The following CACHD1 variants were observed in gnomAD, a reference collection of about 807,000 sequenced individuals.
CACHD1 encodes the protein VWFA and cache domain-containing protein 1.
In CACHD1, 71 loss-of-function variants were observed where a neutral mutation model predicts 138.7. The observed-to-expected ratio is 0.51, with a 90% CI of 0.42 to 0.62. The LOEUF (loss-of-function observed/expected upper bound fraction) is 0.62, where lower values mean the gene tolerates loss of function less well. Among genes scored for constraint, CACHD1 ranks in the 20% least tolerant of loss-of-function variants. The pLI is 0.00. For synonymous variants in CACHD1, 578 were observed against 591.5 expected (o/e 0.98, Z 0.33); for missense variants, 1,389 against 1,625.3 (o/e 0.85, Z 2.50).
chr1:64,671,000 T>C (rs1445202939), intron 16 of CACHD1, among the ~76,000 whole-genome samples: 1 of 152,202 alleles, frequency 6.6e-6, no homozygotes, highest in Non-Finnish European at 1.5e-5. Flanking sequence ...CACTGGCCTA[T>C]GGACCAGGAG....
chr1:64,639,291 A>G (rs1249637618), intron 7 of CACHD1, among the ~76,000 whole-genome samples: 2 of 152,124 alleles, frequency 1.3e-5, no homozygotes, highest in Non-Finnish European at 2.9e-5. Flanking sequence ...TTGTTTTTGT[A>G]TTTTTCAGTC....
intron 24 of CACHD1, 34 bp from the exon 25 acceptor site, chr1:64,681,224 A>G (rs1650162252): frequency 6.5e-7 from 1 of 1,549,042 alleles, no homozygotes; most frequent in Non-Finnish European, 8.9e-7. Flanking sequence ...GTTTGATTAA[A>G]TAGTCATGTT....
chr1:64,588,833 G>T (rs1240106213), intron 3 of CACHD1, among the ~76,000 whole-genome samples: 1 of 152,070 alleles, frequency 6.6e-6, no homozygotes, highest in Non-Finnish European at 1.5e-5. Flanking sequence ...CATAAGCTAC[G>T]GAGGAAATAC....
intron 1 of CACHD1, among the ~76,000 whole-genome samples, chr1:64,479,919 C>T (rs921282641): frequency 1.3e-5 from 2 of 152,166 alleles, no homozygotes; most frequent in Non-Finnish European, 2.9e-5. Context: ...CTGGAGAAAG[C>T]TTAGAACCTA....
At chr1:64,521,029 T>C (rs1387680135) in intron 1 of CACHD1, among the ~76,000 whole-genome samples, 1 of 152,222 alleles carries the variant, frequency 6.6e-6, no homozygotes, top group East Asian at 1.9e-4. Flanking sequence ...ATTTATTCTA[T>C]CCCAGTTTCT....
chr1:64,602,571 T>A (rs1486255086), intron 3 of CACHD1, among the ~76,000 whole-genome samples: 1 of 151,894 alleles, frequency 6.6e-6, no homozygotes, highest in Non-Finnish European at 1.5e-5. Context: ...AAAAGTCGAT[T>A]TGAAGAATGG....
chr1:64,493,651 G>A (rs1408026779), intron 1 of CACHD1, among the ~76,000 whole-genome samples: 3 of 152,222 alleles, frequency 2.0e-5, no homozygotes, highest in African/African-American at 4.8e-5. Flanking sequence ...CCCAGGGGTT[G>A]TGGCAGCCTC....
In CACHD1 at chr1:64,634,071, G is replaced by A. The variant is rs530434842; in HGVS notation, c.817G>A (p.Val273Ile). The stretch of plus-strand genomic sequence containing the variant: ...TTCTGTGTTAACTGTGGCAGATACC[G>A]TCCGGACTTGCTCACTAGACCAGTG... The part of the protein sequence containing the change: ...KISVLTVADT[V>I]RTCSLDQCYK... The change falls in exon 7 of 27, where the codon GTC becomes ATC. Residue 273 changes from valine to isoleucine, a missense_variant. Physicochemically the swap from Val to Ile is conservative, Grantham distance 29. Transcript: ENST00000651257. The A allele has an allele frequency of 2.5e-5, 40 of 1,605,916 alleles. No individual in the cohort carries two copies. The highest frequency in any genetic ancestry group is 1.4e-4 in the African/African-American group (10 of 73,232).
intron 16 of CACHD1, among the ~76,000 whole-genome samples, 190 bp downstream of exon 16, chr1:64,666,357 A>G (rs1226809445): frequency 6.6e-6 from 1 of 152,174 alleles, no homozygotes; most frequent in African/African-American, 2.4e-5. Flanking sequence ...CGTCTATAAA[A>G]TGGGAATGAT....
chr1:64,576,038 A>G (rs754394255), intron 2 of CACHD1, among the ~76,000 whole-genome samples: 7 of 152,170 alleles, frequency 4.6e-5, no homozygotes, highest in Non-Finnish European at 7.3e-5. Context: ...TGGGGACCGC[A>G]CGCTACCTAC....
chr1:64,594,786 G>C (rs1212229373), intron 3 of CACHD1, among the ~76,000 whole-genome samples: 1 of 152,162 alleles, frequency 6.6e-6, no homozygotes, highest in Non-Finnish European at 1.5e-5. Context: ...GACTATACCA[G>C]CTTTAAGAAA....
chr1:64,515,884 C>T (rs983895748), intron 1 of CACHD1, among the ~76,000 whole-genome samples: 2 of 152,138 alleles, frequency 1.3e-5, no homozygotes, highest in African/African-American at 4.8e-5. Context: ...ATTGACTTGA[C>T]TCCTTCTTTT....
intron 1 of CACHD1, among the ~76,000 whole-genome samples, chr1:64,492,652 C>T: frequency 6.6e-6 from 1 of 151,950 alleles, no homozygotes; most frequent in Non-Finnish European, 1.5e-5. Flanking sequence ...CTCCGCTGAT[C>T]GTTAGAGTTA....
intron 2 of CACHD1, among the ~76,000 whole-genome samples, chr1:64,574,750 G>A (rs979196879): frequency 3.0e-4 from 45 of 152,170 alleles, no homozygotes; most frequent in African/African-American, 1.1e-3. Context: ...TCACAAAGCA[G>A]CTATTATTAT....
At position 64,682,083 on chromosome 1, in the gene CACHD1, G is replaced by A. The variant is rs748255225; in HGVS notation, c.3563G>A (p.Arg1188Gln). ...GAAAGAAGGCGCCGCTACTGGGGTC[G>A]ATCAGGAACAGAAAGTGATCATGGT... ...SPERRRRYWG[R>Q]SGTESDHGYS... The change falls in exon 26 of 27, where the codon CGA becomes CAA. Residue 1188 changes from arginine to glutamine, a missense_variant. By Grantham distance (43) the Arg-to-Gln change is conservative. This residue lies in a region of CACHD1 where 250 missense variants were observed against 292.9 expected (regional missense o/e 0.85). Coordinates refer to ENST00000651257, the MANE Select transcript of CACHD1 (RefSeq NM_020925.4). 9.3e-6 allele frequency: 15 copies of A among 1,614,028 alleles called. No homozygotes were observed. Among genetic ancestry groups the A allele is most frequent in the Non-Finnish European group, 1.2e-5 (14 of 1,179,974 alleles).
intron 1 of CACHD1, among the ~76,000 whole-genome samples, chr1:64,534,963 A>G (rs1313732213): frequency 1.3e-5 from 2 of 152,200 alleles, no homozygotes; most frequent in Non-Finnish European, 2.9e-5. Flanking sequence ...TTGCTTTGTC[A>G]TGCATTCTGC....
chr1:64,673,587 A>T, intron 19 of CACHD1, 123 bp downstream of exon 19: 1 of 815,366 alleles, frequency 1.2e-6, no homozygotes, highest in Admixed American at 2.1e-5. Flanking sequence ...CTATAGAATG[A>T]TAGGAGGAGA....
chr1:64,554,869 A>G (rs1044272180), intron 2 of CACHD1, among the ~76,000 whole-genome samples: 44 of 152,212 alleles, frequency 2.9e-4, no homozygotes, highest in African/African-American at 9.9e-4. Context: ...ATTAAATTTT[A>G]AATAAAATAG....
intron 1 of CACHD1, among the ~76,000 whole-genome samples, chr1:64,477,872 G>T (rs958780051): frequency 6.7e-6 from 1 of 149,226 alleles, no homozygotes; most frequent in East Asian, 2.0e-4. Context: ...CTGACCTCGT[G>T]ATCCACCCGC....
Sources: allele counts gnomAD v4.1 joint callset (sites outside exome capture counted in the v4.1 genomes callset), GRCh38; gene constraint gnomAD v4.1.1; regional missense constraint gnomAD v4.1.1; transcripts MANE v1.5; gene names NCBI Gene and HGNC (gene_info 2026-07-23, HGNC 2026-07-21).